Variants in DCDC1 observed in about 807,000 individuals in gnomAD.
DCDC1 encodes doublecortin domain-containing protein 1.
A neutral mutation model predicts 178.3 loss-of-function variants in DCDC1; 200 were observed. That is an observed-to-expected ratio of 1.12 (90% CI 1.00 to 1.26). The LOEUF is 1.26. Ranked by LOEUF, DCDC1 falls within the 50% of genes most tolerant of loss-of-function variation. The probability of loss-of-function intolerance (pLI) is 0.00; values close to 1 mark genes in which losing one functional copy is unlikely to be tolerated. For missense variants in DCDC1, 1,983 were observed against 1,749.2 expected (o/e 1.13, Z -2.38); for synonymous variants, 690 against 604.8 (o/e 1.14, Z -2.07).
chr11:31,249,800 G>A lies in DCDC1; in HGVS notation c.1055-8184C>T, dbSNP rs574797419. On this transcript the variant is annotated intron_variant, in intron 8 of 38. Transcript: ENST00000684477. ...TGCTAAGGAACTCAATGATTGAAGA[G>A]AGGCAAATACACTTAAATTTAAAGA... Among the ~76,000 whole-genome samples the A allele has an allele frequency of 6.6e-5, 10 of 152,280 alleles. 1 individual carries two copies. The highest frequency in any genetic ancestry group is 6.5e-5 in the Admixed American group (1 of 15,292).
chr11:31,111,294 GAA>G (rs573318086), intron 11 of DCDC1, among the ~76,000 whole-genome samples: 53 of 141,730 alleles, frequency 3.7e-4, no homozygotes, highest in African/African-American at 1.2e-3. Context: ...ATTTAAAAAT[GAA>G]AAAAAAAAAC....
At chr11:31,105,015 A>G (rs1049174649) in intron 13 of DCDC1, among the ~76,000 whole-genome samples, 7 of 152,142 alleles carry the variant, frequency 4.6e-5, no homozygotes, top group Admixed American at 4.6e-4. Flanking sequence ...ATCAACATAA[A>G]TTAGACTCAG....
chr11:31,252,123 A>G (rs922906725), intron 8 of DCDC1, among the ~76,000 whole-genome samples: 2 of 152,214 alleles, frequency 1.3e-5, no homozygotes, highest in African/African-American at 4.8e-5. Context: ...AAACAACCAT[A>G]TTCTTGGAGG....
intron 9 of DCDC1, among the ~76,000 whole-genome samples, chr11:31,173,878 T>C (rs1226451997): frequency 6.6e-6 from 1 of 152,104 alleles, no homozygotes; most frequent in East Asian, 1.9e-4. Context: ...ATCTCATTCA[T>C]GTGCTGTCTG....
intron 9 of DCDC1, among the ~76,000 whole-genome samples, chr11:31,204,800 C>A (rs1971688376): frequency 6.6e-6 from 1 of 152,112 alleles, no homozygotes; most frequent in Admixed American, 6.6e-5. Flanking sequence ...CTAGCCTGGG[C>A]AACACAGCAA....
intron 20 of DCDC1, among the ~76,000 whole-genome samples, chr11:31,012,175 C>T (rs190389069): frequency 2.6e-5 from 4 of 152,188 alleles, no homozygotes; most frequent in Non-Finnish European, 4.4e-5. Context: ...CCTGCAGAAC[C>T]GTAAGCGAAT....
intron 38 of DCDC1, among the ~76,000 whole-genome samples, chr11:30,872,836 A>G (rs273618): frequency 0.59 from 89,983 of 151,662 alleles, 28,088 homozygotes; most frequent in Middle Eastern, 0.76. Context: ...ATGTGTAACT[A>G]TTTATTGCAC....
rs749302901 is a variant in DCDC1, at chr11:30,915,465, T to C, written c.3653+46A>G. The stretch of plus-strand genomic sequence containing the variant: ...GGGGACCATGCTAGACTTATTAGGA[T>C]CCTATTCACCTTTTGATATAGTAAA... On this transcript the variant is annotated intron_variant, in intron 27 of 38. Transcript: ENST00000684477. 3 of 1,602,564 alleles carry C rather than the reference T, an allele frequency of 1.9e-6. No individual in the cohort carries two copies. In the East Asian group the frequency reaches 6.7e-5, roughly 36 times the overall value.
chr11:30,937,341 C>A (rs1947338472), intron 21 of DCDC1, among the ~76,000 whole-genome samples: 2 of 152,104 alleles, frequency 1.3e-5, no homozygotes, highest in Admixed American at 1.3e-4. Context: ...TCAGGTCCCA[C>A]CTTCAAATTT....
At chr11:31,292,286 C>T (rs1487815198) in intron 6 of DCDC1, among the ~76,000 whole-genome samples, 2 of 151,990 alleles carry the variant, frequency 1.3e-5, no homozygotes, top group East Asian at 1.9e-4. Context: ...GAATTGAAAA[C>T]AGATACTCAA....
chr11:30,981,952 G>GA (rs1436024523), intron 20 of DCDC1, among the ~76,000 whole-genome samples: 1 of 151,984 alleles, frequency 6.6e-6, no homozygotes, highest in South Asian at 2.1e-4. Flanking sequence ...ATACTACTGT[G>GA]AAAAAAGGCT....
chr11:31,133,116 T>C (rs1257185986), intron 10 of DCDC1, among the ~76,000 whole-genome samples: 1 of 152,216 alleles, frequency 6.6e-6, no homozygotes, highest in Non-Finnish European at 1.5e-5. Context: ...AAGCTATGCA[T>C]TTCTGAGCCA....
At chr11:31,177,852 A>T (rs528461626) in intron 9 of DCDC1, among the ~76,000 whole-genome samples, 1 of 152,300 alleles carries the variant, frequency 6.6e-6, no homozygotes, top group African/African-American at 2.4e-5. Flanking sequence ...TACATCCAAC[A>T]CTGGAGCCCC....
intron 1 of DCDC1, among the ~76,000 whole-genome samples, chr11:31,357,964 C>T (rs1270509950): frequency 6.6e-6 from 1 of 152,178 alleles, no homozygotes; most frequent in African/African-American, 2.4e-5. Flanking sequence ...AAGAACATTC[C>T]ATGCTCATGG....
At chr11:30,889,887 G>A (rs1350670117) in intron 36 of DCDC1, among the ~76,000 whole-genome samples, 2 of 152,176 alleles carry the variant, frequency 1.3e-5, no homozygotes, top group Non-Finnish European at 2.9e-5. Flanking sequence ...AGCCCTAACC[G>A]CTACTGTGAC....
At chr11:31,068,014 T>C (rs1458371044) in intron 18 of DCDC1, among the ~76,000 whole-genome samples, 3 of 152,190 alleles carry the variant, frequency 2.0e-5, no homozygotes, top group Admixed American at 6.5e-5. Flanking sequence ...TTATATGTTA[T>C]GTGAATTATA....
intron 9 of DCDC1, among the ~76,000 whole-genome samples, chr11:31,222,357 C>T (rs568106189): frequency 7.9e-5 from 12 of 152,192 alleles, no homozygotes; most frequent in African/African-American, 1.2e-4. Context: ...GCCACCACGC[C>T]TGGCCTCCTC....
chr11:31,092,468 TG>T (rs1317994165), intron 16 of DCDC1, among the ~76,000 whole-genome samples: 2 of 152,210 alleles, frequency 1.3e-5, no homozygotes, highest in East Asian at 3.8e-4. Flanking sequence ...ACATCACATA[TG>T]CTTTCTCATT....
At chr11:31,262,942 G>A (rs1257862475) in intron 8 of DCDC1, 1 of 1,170,826 alleles carries the variant, frequency 8.5e-7, no homozygotes, top group African/African-American at 1.5e-5. Flanking sequence ...CTTTTATAAG[G>A]ATGCAAAAAC....
Sources: gnomAD v4.1 joint callset for allele counts (sites outside exome capture counted in the v4.1 genomes callset) on GRCh38, gnomAD v4.1.1 for gene constraint, MANE v1.5 for transcripts, NCBI Gene and HGNC (gene_info 2026-07-23, HGNC 2026-07-21) for gene names.